FDFT1: variants seen among roughly 807,000 people sequenced by gnomAD.
FDFT1 encodes squalene synthase.
Under a neutral mutation model 46.8 loss-of-function variants are expected in FDFT1, and 68 were observed. The ratio of observed to expected loss-of-function variants is 1.45; its 90% confidence interval spans 1.19 to 1.78. FDFT1 has a LOEUF of 1.78. FDFT1 is among the 40% of genes most tolerant of loss of function. The pLI is 0.00. For missense variants in FDFT1, 928 were observed against 524.4 expected (o/e 1.77, Z -7.52); for synonymous variants, 351 against 185.1 (o/e 1.90, Z -7.28).
At chr8:11,810,715 T>C (rs1010798141) in intron 3 of FDFT1, among the ~76,000 whole-genome samples, 6 of 152,174 alleles carry the variant, frequency 3.9e-5, no homozygotes, top group Non-Finnish European at 8.8e-5. Context: ...GATTCTTCCA[T>C]ATCTTATAAA....
At chr8:11,801,388 C>G (rs569477415), upstream of FDFT1, among the ~76,000 whole-genome samples, 5 of 152,194 alleles carry the variant, frequency 3.3e-5, no homozygotes, top group Non-Finnish European at 7.3e-5. Context: ...AGCGCGATCT[C>G]AGCTCACTGC....
chr8:11,802,662 G>A, upstream of FDFT1: 1 of 617,206 alleles, frequency 1.6e-6, no homozygotes, highest in Non-Finnish European at 2.9e-6. Flanking sequence ...CCCGCTGGCG[G>A]CCGAGGCCGG....
intron 1 of FDFT1, 107 bp from the exon 2 acceptor site, chr8:11,808,687 G>C (rs373307057): frequency 4.0e-6 from 6 of 1,490,154 alleles, no homozygotes; most frequent in Admixed American, 4.2e-5. Context: ...GAGGGCGGCA[G>C]GCTGTGGAGC....
At chr8:11,803,128 C>T (rs1001400544) in intron 1 of FDFT1, 197 bp downstream of exon 1, 2 of 1,430,998 alleles carry the variant, frequency 1.4e-6, no homozygotes, top group Non-Finnish European at 1.8e-6. Flanking sequence ...TGACCTGTCC[C>T]TGCCCCCGCA....
chr8:11,823,579 G>A (rs998890146), intron 4 of FDFT1, among the ~76,000 whole-genome samples: 1 of 151,308 alleles, frequency 6.6e-6, no homozygotes, highest in African/African-American at 2.4e-5. Flanking sequence ...AGTCAGAGAC[G>A]ACTTTTTTTT....
At chr8:11,801,058 A>T (rs1806066931), upstream of FDFT1, among the ~76,000 whole-genome samples, 1 of 152,182 alleles carries the variant, frequency 6.6e-6, no homozygotes, top group Non-Finnish European at 1.5e-5. Context: ...GAAATGTGAG[A>T]GAGGGCAAAC....
intron 7 of FDFT1, among the ~76,000 whole-genome samples, chr8:11,835,401 T>A (rs1036626685): frequency 6.6e-6 from 1 of 152,190 alleles, no homozygotes; most frequent in Non-Finnish European, 1.5e-5. Context: ...CTCTTCCAGT[T>A]GTGCTGTCAT....
intron 1 of FDFT1, chr8:11,808,137 G>C: frequency 2.0e-6 from 1 of 491,618 alleles, no homozygotes; most frequent in Non-Finnish European, 2.7e-6. Context: ...CAATTTAGCA[G>C]GATTCTTGGT....
chr8:11,819,644 G>C (rs1808947852), intron 3 of FDFT1, among the ~76,000 whole-genome samples: 2 of 151,766 alleles, frequency 1.3e-5, no homozygotes, highest in Non-Finnish European at 2.9e-5. Flanking sequence ...ATCGGCTATT[G>C]AAGCTTGTTT....
chr8:11,798,437 AAAG>A (rs559809602), upstream of FDFT1, among the ~76,000 whole-genome samples: 348 of 152,208 alleles, frequency 2.3e-3, 1 homozygote, highest in African/African-American at 8.0e-3. Context: ...ATGGTTTGGG[AAAG>A]AAGATGTGGC....
intron 2 of FDFT1, chr8:11,809,415 C>A (rs936031225): frequency 2.5e-6 from 3 of 1,222,124 alleles, no homozygotes; most frequent in Non-Finnish European, 3.1e-6. Flanking sequence ...TGGTTAAATG[C>A]AACTCACTTC....
chr8:11,816,482 G>C (rs1462179877), intron 3 of FDFT1, among the ~76,000 whole-genome samples: 2 of 152,212 alleles, frequency 1.3e-5, no homozygotes, highest in East Asian at 1.9e-4. Flanking sequence ...TCACGATACT[G>C]ATTCTTCCTA....
At chr8:11,828,439 G>C (rs1810311766) in intron 5 of FDFT1, among the ~76,000 whole-genome samples, 1 of 152,224 alleles carries the variant, frequency 6.6e-6, no homozygotes, top group Non-Finnish European at 1.5e-5. Context: ...GCTCAGAGAA[G>C]GGAAGGGGAT....
intron 3 of FDFT1, among the ~76,000 whole-genome samples, chr8:11,817,020 C>T (rs1042322275): frequency 1.3e-5 from 2 of 151,982 alleles, no homozygotes; most frequent in Non-Finnish European, 2.9e-5. Context: ...ATAAATAGCT[C>T]CTTATTATTT....
chr8:11,807,109 C>G (rs1262725110), intron 1 of FDFT1, among the ~76,000 whole-genome samples: 1 of 152,024 alleles, frequency 6.6e-6, no homozygotes, highest in African/African-American at 2.4e-5. Flanking sequence ...ATGGAATTTC[C>G]TAGAAGTGGA....
intron 3 of FDFT1, among the ~76,000 whole-genome samples, chr8:11,810,863 CT>C (rs1283062165): frequency 7.0e-6 from 1 of 142,888 alleles, no homozygotes; most frequent in Non-Finnish European, 1.5e-5. Flanking sequence ...TGGGAGGGAG[CT>C]AAGTGGACAG....
chr8:11,821,032 G>A (rs1035217622), intron 3 of FDFT1, among the ~76,000 whole-genome samples: 2 of 152,182 alleles, frequency 1.3e-5, no homozygotes, highest in Admixed American at 6.6e-5. Context: ...TCTGTTTGTT[G>A]CCCTGATGTA....
rs773483339 is a variant in FDFT1 at position 11,830,363 on chromosome 8, C to T, written c.822C>T (p.Ile274=). Residue 274 remains isoleucine (I), a synonymous_variant, in exon 6 of 8, where the codon ATC becomes ATT. Coordinates refer to ENST00000220584, the MANE Select transcript of FDFT1 (RefSeq NM_004462.5). ...CACTGCACCACATCCCAGATGTCAT[C>T]ACCTACCTTTCGAGACTCAGAAACC... is the stretch of plus-strand genomic sequence containing the variant. ...TNALHHIPDV[I]TYLSRLRNQS... 5 of 1,613,810 alleles carry T rather than the reference C, an allele frequency of 3.1e-6. No homozygotes were observed. The highest frequency in any genetic ancestry group is 2.7e-5 in the African/African-American group (2 of 74,904).
upstream of FDFT1, among the ~76,000 whole-genome samples, chr8:11,799,300 G>T (rs1015668222): frequency 3.9e-5 from 6 of 152,226 alleles, no homozygotes; most frequent in Non-Finnish European, 7.3e-5. Context: ...TATGGCTGGT[G>T]GAACAGGGGT....
Sources: allele counts gnomAD v4.1 joint callset (sites outside exome capture counted in the v4.1 genomes callset), GRCh38; gene constraint gnomAD v4.1.1; transcripts MANE v1.5; gene names NCBI Gene and HGNC (gene_info 2026-07-23, HGNC 2026-07-21).